Variants in MAL2 observed in about 807,000 individuals in gnomAD.
MAL2 encodes the protein mal, T cell differentiation protein 2, also known as protein MAL2.
MAL2 carries 17 observed loss-of-function variants against 18.1 expected under a neutral mutation model. The ratio of observed to expected loss-of-function variants is 0.94; its 90% CI spans 0.64 to 1.41. MAL2 has a LOEUF of 1.41. MAL2 is among the 40% of genes most tolerant of loss of function. The pLI is 0.00. For synonymous variants in MAL2, 102 were observed against 102.3 expected (o/e 1.00, Z 0.02); for missense variants, 222 against 231.9 (o/e 0.96, Z 0.28).
Position 119,208,502 on chromosome 8 carries a change from G to T in MAL2, c.30G>T (p.Pro10=). Residue 10 remains proline, a synonymous_variant, in exon 1 of 4, where the codon CCG becomes CCT. Coordinates refer to ENST00000614891, the MANE Select transcript of MAL2 (RefSeq NM_052886.3). The surrounding 1 kb of genome is among the most constrained non-coding windows in gnomAD (Gnocchi z 4.3). Reference sequence around the variant, plus strand: ...CGGCCGGCGGAGCGTCAGTCCCGCCGCCCCCGAACCCCGCCGTGTCCTTCC... The same window carrying T: ...CGGCCGGCGGAGCGTCAGTCCCGCCTCCCCCGAACCCCGCCGTGTCCTTCC... MSAGGASVP[P]PPNPAVSFPP... The T allele has an allele frequency of 7.6e-7, 1 of 1,311,236 alleles. No homozygotes were observed. The highest frequency in any genetic ancestry group is 9.7e-7 in the Non-Finnish European group (1 of 1,028,796). 81.2% of individuals were successfully genotyped at this position (1,311,236 alleles called of 1,614,324 possible). A position where few individuals can be genotyped will look rare whatever the true frequency, so the allele number is the denominator to read the frequency against.
At chr8:119,242,947 G>T (rs913841969) in intron 3 of MAL2, among the ~76,000 whole-genome samples, 1 of 152,182 alleles carries the variant, frequency 6.6e-6, no homozygotes, top group Non-Finnish European at 1.5e-5. Flanking sequence ...AAGCCAACCT[G>T]ATAATTCATT....
chr8:119,215,778 A>C (rs946879675), intron 1 of MAL2, among the ~76,000 whole-genome samples: 1 of 152,146 alleles, frequency 6.6e-6, no homozygotes, highest in Non-Finnish European at 1.5e-5. Flanking sequence ...TAGGAAAAGA[A>C]GCATTACAGG....
In MAL2 at chr8:119,240,278, AC is replaced by A; in HGVS notation, c.418del (p.Leu140SerfsTer2). On this transcript the variant is annotated frameshift_variant, in exon 3 of 4. Transcript: ENST00000614891. LOFTEE classifies it high-confidence loss of function. ...HCNTTITGQP[L>X]LSDNQYNINV... ...GCAATACAACCATAACCGGGCAGCC[AC>A]TCCTGAGTGATAACCAGTATAACAT... is the stretch of plus-strand genomic sequence containing the variant. 6.2e-7 allele frequency: 1 copy of A among 1,613,716 alleles called. No individual in the cohort carries two copies. The highest frequency in any genetic ancestry group is 8.5e-7 in the Non-Finnish European group (1 of 1,179,804).
intron 2 of MAL2, among the ~76,000 whole-genome samples, chr8:119,230,720 CAG>C (rs1817702622): frequency 1.3e-5 from 2 of 152,168 alleles, no homozygotes; most frequent in Non-Finnish European, 2.9e-5. Flanking sequence ...CTAATGATCT[CAG>C]ACAAATTTTC....
At chr8:119,225,584 G>A (rs1817574657) in intron 2 of MAL2, among the ~76,000 whole-genome samples, 1 of 152,146 alleles carries the variant, frequency 6.6e-6, no homozygotes, top group Non-Finnish European at 1.5e-5. Flanking sequence ...AAACATACGT[G>A]TGCATGTGTC....
chr8:119,211,465 G>A (rs1390404189), intron 1 of MAL2, among the ~76,000 whole-genome samples: 2 of 152,098 alleles, frequency 1.3e-5, no homozygotes, highest in African/African-American at 4.8e-5. Context: ...AGTTGACTAC[G>A]CTATTGACAC....
At chr8:119,229,629 C>G (rs1171203810) in intron 2 of MAL2, among the ~76,000 whole-genome samples, 2 of 152,250 alleles carry the variant, frequency 1.3e-5, no homozygotes, top group Non-Finnish European at 2.9e-5. Context: ...ACTTTTCTTT[C>G]TGAGCAAAGT....
intron 2 of MAL2, among the ~76,000 whole-genome samples, chr8:119,235,162 G>T (rs1817850057): frequency 6.6e-6 from 1 of 152,186 alleles, no homozygotes; most frequent in African/African-American, 2.4e-5. Flanking sequence ...TGTGAAGAAT[G>T]CAGAAGCCTC....
Position 119,245,649 on chromosome 8 carries a change from C to A in MAL2, c.*2161C>A, listed in dbSNP as rs947104133. On this transcript the variant is annotated 3_prime_UTR_variant, in exon 4 of 4. Transcript: ENST00000614891. Reference sequence around the variant, plus strand: ...GAAATTTATTTTATACGTGTTATGTCTCTAATAAAGTATTCATTTGATAAT... The same window carrying A: ...GAAATTTATTTTATACGTGTTATGTATCTAATAAAGTATTCATTTGATAAT... 6 of 152,080 alleles carry A rather than the reference C, an allele frequency of 3.9e-5. No individual in the cohort carries two copies. The highest frequency in any genetic ancestry group is 1.2e-4 in the African/African-American group (5 of 41,378). 9.4% of individuals were successfully genotyped at this position (152,080 alleles called of 1,614,324 possible). A position where few individuals can be genotyped will look rare whatever the true frequency, so the allele number is the denominator to read the frequency against.
intron 1 of MAL2, among the ~76,000 whole-genome samples, chr8:119,216,949 T>A (rs1271067719): frequency 2.0e-5 from 3 of 152,132 alleles, no homozygotes; most frequent in Non-Finnish European, 4.4e-5. Flanking sequence ...ATAAGTGACA[T>A]TTGAAAAGAA....
chr8:119,216,043 T>C (rs1267083744), intron 1 of MAL2, among the ~76,000 whole-genome samples: 1 of 152,196 alleles, frequency 6.6e-6, no homozygotes, highest in East Asian at 1.9e-4. Context: ...ACTGAACACT[T>C]CTATAACCAT....
At chr8:119,223,440 ATTAAT>A (rs371150899) in intron 2 of MAL2, 219 of 152,286 alleles carry the variant, frequency 1.4e-3, no homozygotes, top group African/African-American at 4.8e-3. Context: ...TCATGTCCTT[ATTAAT>A]TTATTTGTTT....
Position 119,240,264 on chromosome 8 carries a change from A to G in MAL2, c.403A>G (p.Ile135Val), listed in dbSNP as rs1171251075. 6.2e-7 allele frequency: 1 copy of G among 1,613,744 alleles called. No individual in the cohort carries two copies. Among genetic ancestry groups the G allele is most frequent in the Non-Finnish European group, 8.5e-7 (1 of 1,179,830 alleles). The change falls in exon 3 of 4, where the codon ATA becomes GTA. Residue 135 changes from isoleucine (I) to valine (V), a missense_variant. Physicochemically the swap from Ile to Val is conservative, Grantham distance 29. Coordinates refer to ENST00000614891, the MANE Select transcript of MAL2 (RefSeq NM_052886.3). ...SLHDLHCNTT[I>V]TGQPLLSDNQ... The stretch of plus-strand genomic sequence containing the variant: ...GCATGATTTGCATTGCAATACAACC[A>G]TAACCGGGCAGCCACTCCTGAGTGA...
chr8:119,217,664 C>T (rs1381063504), intron 1 of MAL2, among the ~76,000 whole-genome samples: 2 of 152,070 alleles, frequency 1.3e-5, no homozygotes, highest in African/African-American at 2.4e-5. Flanking sequence ...ATAACGTGGG[C>T]GAAACATATA....
intron 2 of MAL2, among the ~76,000 whole-genome samples, chr8:119,225,445 G>C (rs1356594562): frequency 6.6e-6 from 1 of 152,160 alleles, no homozygotes; most frequent in Non-Finnish European, 1.5e-5. Context: ...CCATGCAAAG[G>C]ACATGAACTC....
rs193137874 is a variant in MAL2 at position 119,216,322 on chromosome 8, A to C, written c.133-5265A>C. Among the ~76,000 whole-genome samples, 430 of 152,320 alleles carry C rather than the reference A, an allele frequency of 2.8e-3. 1 individual carries two copies. Among genetic ancestry groups the C allele is most frequent in the African/African-American group, 9.7e-3 (405 of 41,570 alleles). ...AGGGGCAGAATAGCAGAATGTTAAA[A>C]TCATAAGTTCTGGAAGCCAATTGCC... is the stretch of plus-strand genomic sequence containing the variant. On this transcript the variant is annotated intron_variant, in intron 1 of 3. Transcript: ENST00000614891.
Position 119,244,293 on chromosome 8 carries a change from A to G in MAL2, c.*805A>G, listed in dbSNP as rs1392615898. 6.6e-6 allele frequency: 1 copy of G among 152,152 alleles called. No homozygotes were observed. Among genetic ancestry groups the G allele is most frequent in the Non-Finnish European group, 1.5e-5 (1 of 68,032 alleles). The allele number at this position is 152,152 out of a possible 1,614,324, so 9.4% of individuals were successfully genotyped here. ...AAATACTTACCTTTGGAGAATACTT[A>G]CCTTTGGAGGAATGTATAAAATTTC... On this transcript the variant is annotated 3_prime_UTR_variant, in exon 4 of 4. Coordinates refer to ENST00000614891, the MANE Select transcript of MAL2 (RefSeq NM_052886.3).
rs919662802 is a variant in MAL2, at chr8:119,245,480, G to A, written c.*1992G>A. On this transcript the variant is annotated 3_prime_UTR_variant, in exon 4 of 4. Transcript: ENST00000614891. ...GACACATCTGTGAATACTTAGATTT[G>A]TAGCTTAATCACATTCTAGACTTGT... The A allele has an allele frequency of 6.6e-6, 1 of 152,574 alleles. No individual in the cohort carries two copies. 9.5% of individuals were successfully genotyped at this position (152,574 alleles called of 1,614,324 possible). A position where few individuals can be genotyped will look rare whatever the true frequency, so the allele number is the denominator to read the frequency against.
intron 3 of MAL2, among the ~76,000 whole-genome samples, chr8:119,242,123 G>A (rs182770719): frequency 6.6e-6 from 1 of 152,272 alleles, no homozygotes; most frequent in Admixed American, 6.5e-5. Flanking sequence ...CTAGATTCTT[G>A]TATCTTGGAT....
Sources: gnomAD v4.1 joint callset for allele counts (sites outside exome capture counted in the v4.1 genomes callset) on GRCh38, gnomAD v4.1.1 for gene constraint, Gnocchi (gnomAD v3.1) non-coding constraint, MANE v1.5 for transcripts, NCBI Gene and HGNC (gene_info 2026-07-23, HGNC 2026-07-21) for gene names.